Variants in FAM135B observed in about 807,000 individuals in gnomAD.
FAM135B encodes protein FAM135B.
Under a neutral mutation model 127.7 loss-of-function variants are expected in FAM135B, and 43 were observed. The ratio of observed to expected loss-of-function variants is 0.34; its 90% CI spans 0.26 to 0.43. FAM135B has a LOEUF of 0.43. FAM135B is among the 20% of genes least tolerant of loss of function. The pLI is 1.00. For missense variants in FAM135B, 1,558 were observed against 1,725.6 expected (o/e 0.90, Z 1.72); for synonymous variants, 670 against 665.1 (o/e 1.01, Z -0.11).
chr8:138,285,134 A>ATTTTTTTTTTTTTTTTT (rs386414180), intron 3 of FAM135B, among the ~76,000 whole-genome samples: 2 of 54,748 alleles, frequency 3.7e-5, no homozygotes, highest in African/African-American at 1.4e-4. Context: ...GGCTCTACTA[A>ATTTTTTTTTTTTTTTTT]TTTTTTTTTT....
intron 13 of FAM135B, among the ~76,000 whole-genome samples, chr8:138,150,366 G>A (rs971783988): frequency 5.9e-5 from 9 of 152,130 alleles, no homozygotes; most frequent in Non-Finnish European, 1.2e-4. Flanking sequence ...TATAATATTC[G>A]TAATAAAAAT....
intron 1 of FAM135B, among the ~76,000 whole-genome samples, chr8:138,407,332 C>G (rs962539077): frequency 6.6e-5 from 10 of 152,040 alleles, no homozygotes; most frequent in Admixed American, 5.9e-4. Context: ...GCCATACTGC[C>G]CAAGGTAATT....
chr8:138,346,356 G>A (rs1320348339), intron 2 of FAM135B, among the ~76,000 whole-genome samples: 1 of 152,172 alleles, frequency 6.6e-6, no homozygotes, highest in African/African-American at 2.4e-5. Context: ...GCACATGTTT[G>A]TTCACAATAG....
chr8:138,233,774 A>G (rs10093306), intron 7 of FAM135B, among the ~76,000 whole-genome samples: 29,133 of 152,118 alleles, frequency 0.19, 3,084 homozygotes, highest in Non-Finnish European at 0.24. Context: ...ATATCCAATA[A>G]GGGGTTAATA....
At chr8:138,472,214 T>C (rs1837716841) in intron 1 of FAM135B, among the ~76,000 whole-genome samples, 1 of 152,080 alleles carries the variant, frequency 6.6e-6, no homozygotes, top group African/African-American at 2.4e-5. Flanking sequence ...GAGAGAAATT[T>C]CTACAATATG....
chr8:138,231,852 T>A (rs1819930215), intron 7 of FAM135B, among the ~76,000 whole-genome samples: 1 of 152,182 alleles, frequency 6.6e-6, no homozygotes, highest in Non-Finnish European at 1.5e-5. Context: ...AACATACTTA[T>A]GTTACAAGAT....
chr8:138,274,824 C>T (rs1030783688), intron 3 of FAM135B, among the ~76,000 whole-genome samples: 10 of 152,028 alleles, frequency 6.6e-5, no homozygotes, highest in East Asian at 1.9e-4. Flanking sequence ...CCCGGCTCAC[C>T]GGCGGTCAGA....
At chr8:138,325,137 C>T (rs558791705) in intron 2 of FAM135B, among the ~76,000 whole-genome samples, 138 of 151,256 alleles carry the variant, frequency 9.1e-4, no homozygotes, top group African/African-American at 3.3e-3. Context: ...AAAAAAAAAT[C>T]AGAAAATTTA....
intron 3 of FAM135B, among the ~76,000 whole-genome samples, chr8:138,284,179 G>A (rs550125958): frequency 1.3e-5 from 2 of 152,058 alleles, no homozygotes; most frequent in African/African-American, 4.8e-5. Flanking sequence ...TCTTGCATAC[G>A]GCAAAAATCT....
At chr8:138,296,444 TTC>T (rs1249499846) in intron 3 of FAM135B, among the ~76,000 whole-genome samples, 1 of 152,214 alleles carries the variant, frequency 6.6e-6, no homozygotes, top group Admixed American at 6.5e-5. Flanking sequence ...ATGGAGCTCC[TTC>T]TTTCCCAGCC....
chr8:138,145,257 C>G (rs1817556653), intron 15 of FAM135B, among the ~76,000 whole-genome samples: 4 of 152,162 alleles, frequency 2.6e-5, no homozygotes, highest in Admixed American at 2.6e-4. Flanking sequence ...CTCAAGCGAT[C>G]TCACTGCTTT....
At chr8:138,227,208 C>T (rs1819524436) in intron 7 of FAM135B, among the ~76,000 whole-genome samples, 1 of 152,234 alleles carries the variant, frequency 6.6e-6, no homozygotes. Context: ...AAAACCTCTG[C>T]TCAAATATGG....
chr8:138,245,024 G>A (rs951894119), intron 6 of FAM135B, among the ~76,000 whole-genome samples: 8 of 152,114 alleles, frequency 5.3e-5, no homozygotes, highest in Non-Finnish European at 1.5e-5. Flanking sequence ...CAAACTTAAA[G>A]GGTTCCCTTT....
rs148797216 is a variant in FAM135B, at chr8:138,421,031, G to A, written c.-19-53029C>T. ...AGAGAAAGAAATAAAAGACATCCAGGCTGGGTGCAGTGGCTCACGCCTGTA... is the reference window on the plus strand; with the variant it reads ...AGAGAAAGAAATAAAAGACATCCAGACTGGGTGCAGTGGCTCACGCCTGTA... On this transcript the variant is annotated intron_variant, in intron 1 of 19. Transcript: ENST00000395297. Among the ~76,000 whole-genome samples the A allele has an allele frequency of 4.6e-5, 7 of 152,314 alleles. No homozygotes were observed. The East Asian group carries it at 1.2e-3, about 25-fold the overall frequency.
chr8:138,316,646 T>C (rs182221502), intron 2 of FAM135B, among the ~76,000 whole-genome samples: 379 of 152,154 alleles, frequency 2.5e-3, no homozygotes, highest in African/African-American at 8.8e-3. Context: ...AAATGTAAAA[T>C]GGAACAGCCA....
At chr8:138,220,841 T>C (rs1242714016) in intron 7 of FAM135B, among the ~76,000 whole-genome samples, 1 of 152,114 alleles carries the variant, frequency 6.6e-6, no homozygotes, top group Non-Finnish European at 1.5e-5. Context: ...AAGTCTCATA[T>C]AAAAAGGAGA....
intron 7 of FAM135B, among the ~76,000 whole-genome samples, chr8:138,226,244 G>A (rs1489937093): frequency 2.0e-5 from 3 of 147,212 alleles, no homozygotes; most frequent in Non-Finnish European, 4.5e-5. Context: ...ATTAGTTTAT[G>A]TTGAACACTA....
intron 16 of FAM135B, among the ~76,000 whole-genome samples, chr8:138,142,288 CTTTTTTTTT>C (rs71316322): frequency 3.2e-3 from 201 of 62,370 alleles, no homozygotes; most frequent in African/African-American, 0.011. Context: ...TCTGCTTCTT[CTTTTTTTTT>C]TTTTTTTTTT....
chr8:138,482,568 T>A (rs1314710788), intron 1 of FAM135B, among the ~76,000 whole-genome samples: 1 of 152,134 alleles, frequency 6.6e-6, no homozygotes, highest in South Asian at 2.1e-4. Context: ...CAATCCCAGG[T>A]CCTACCTAGT....
Sources: gnomAD v4.1 joint callset for allele counts (sites outside exome capture counted in the v4.1 genomes callset) on GRCh38, gnomAD v4.1.1 for gene constraint, MANE v1.5 for transcripts, NCBI Gene and HGNC (gene_info 2026-07-23, HGNC 2026-07-21) for gene names.